Variants in KCNJ3 observed in about 807,000 individuals in gnomAD.
KCNJ3 encodes the protein potassium inwardly rectifying channel subfamily J member 3.
KCNJ3 carries 4 observed loss-of-function variants against 39.2 expected under a neutral mutation model. That is an observed-to-expected ratio of 0.10 (90% CI 0.05 to 0.23). The LOEUF is 0.23. Among genes scored for constraint, KCNJ3 ranks in the 10% least tolerant of loss-of-function variants. KCNJ3 has a pLI of 1.00. For synonymous variants in KCNJ3, 230 were observed against 237.4 expected (o/e 0.97, Z 0.29); for missense variants, 276 against 634.9 (o/e 0.43, Z 6.08).
chr2:154,753,642 T>C (rs1685886192), intron 2 of KCNJ3, among the ~76,000 whole-genome samples: 1 of 152,156 alleles, frequency 6.6e-6, no homozygotes, highest in Non-Finnish European at 1.5e-5. Context: ...TTTAAAAATG[T>C]GTATTTGACA....
intron 2 of KCNJ3, among the ~76,000 whole-genome samples, chr2:154,751,487 A>G (rs552845253): frequency 8.5e-5 from 13 of 152,158 alleles, no homozygotes. Context: ...GACACAGGAT[A>G]TGTCCTATAT....
At chr2:154,805,755 A>T (rs895546178) in intron 2 of KCNJ3, among the ~76,000 whole-genome samples, 5 of 152,184 alleles carry the variant, frequency 3.3e-5, no homozygotes, top group Non-Finnish European at 7.4e-5. Context: ...ACACAAAATT[A>T]AAAAGAATAA....
intron 2 of KCNJ3, among the ~76,000 whole-genome samples, chr2:154,833,887 T>C (rs1687405457): frequency 6.6e-6 from 1 of 152,150 alleles, no homozygotes; most frequent in Admixed American, 6.5e-5. Context: ...TTTTTATTAC[T>C]AAATAATAAT....
intron 2 of KCNJ3, among the ~76,000 whole-genome samples, chr2:154,811,771 A>T (rs1451472377): frequency 6.6e-6 from 1 of 152,178 alleles, no homozygotes. Flanking sequence ...CAGCCATCTT[A>T]GGGAAATGGG....
intron 2 of KCNJ3, among the ~76,000 whole-genome samples, chr2:154,818,849 T>G (rs1031717514): frequency 4.6e-5 from 7 of 151,794 alleles, no homozygotes; most frequent in Admixed American, 4.6e-4. Flanking sequence ...TTTGTCCATT[T>G]TGTTAGAATT....
rs1170092487 is a variant in KCNJ3, at chr2:154,853,144, GA to G, written c.920-1570del. ...CAGGACCATATTGAGGATTAGAATG[GA>G]AAAAAAAAAAAAGAGGGAAGAAGAG... is the stretch of plus-strand genomic sequence containing the variant. On this transcript the variant is annotated intron_variant, in intron 2 of 2. Coordinates refer to ENST00000295101, the MANE Select transcript of KCNJ3 (RefSeq NM_002239.4). 6.3e-3 allele frequency among the ~76,000 whole-genome samples: 827 copies of G among 131,326 alleles called. 3 individuals are homozygous for G. Among genetic ancestry groups the G allele is most frequent in the Middle Eastern group, 0.016 (4 of 250 alleles). 86.2% of individuals were successfully genotyped at this position (131,326 alleles called of 152,430 possible). A position where few individuals can be genotyped will look rare whatever the true frequency, so the allele number is the denominator to read the frequency against.
chr2:154,801,835 C>G (rs1686824578), intron 2 of KCNJ3, among the ~76,000 whole-genome samples: 1 of 152,036 alleles, frequency 6.6e-6, no homozygotes, highest in Non-Finnish European at 1.5e-5. Flanking sequence ...ACATATTGCC[C>G]AAGCTGGTCT....
At chr2:154,726,792 TACATAC>T (rs1685364940) in intron 2 of KCNJ3, among the ~76,000 whole-genome samples, 3 of 101,316 alleles carry the variant, frequency 3.0e-5, no homozygotes, top group Admixed American at 1.2e-4. Flanking sequence ...ACATTTTATA[TACATAC>T]ACACACACAC....
intron 2 of KCNJ3, among the ~76,000 whole-genome samples, chr2:154,735,274 CTTT>C (rs11315316): frequency 7.0e-6 from 1 of 143,236 alleles, no homozygotes; most frequent in African/African-American, 2.6e-5. Context: ...TTCTTTCTTT[CTTT>C]TTTTTTTTTT....
chr2:154,823,119 A>T (rs1687212366), intron 2 of KCNJ3, among the ~76,000 whole-genome samples: 3 of 152,216 alleles, frequency 2.0e-5, no homozygotes, highest in African/African-American at 4.8e-5. Flanking sequence ...TGTTTCTAAT[A>T]ATTTACATTG....
intron 2 of KCNJ3, among the ~76,000 whole-genome samples, chr2:154,745,935 T>C (rs550287968): frequency 9.2e-5 from 14 of 152,098 alleles, no homozygotes; most frequent in Admixed American, 4.6e-4. Flanking sequence ...AGGGGTTGAG[T>C]ACTGGCCTCC....
chr2:154,801,261 T>G (rs1233599220), intron 2 of KCNJ3, among the ~76,000 whole-genome samples: 1 of 152,210 alleles, frequency 6.6e-6, no homozygotes, highest in African/African-American at 2.4e-5. Flanking sequence ...GAGGTTAATA[T>G]CTAAAAACAT....
intron 2 of KCNJ3, 45 bp from the exon 3 acceptor site, chr2:154,854,682 C>T (rs1279755536): frequency 4.2e-6 from 6 of 1,441,986 alleles, no homozygotes; most frequent in Non-Finnish European, 5.7e-6. Flanking sequence ...TTTACATGTG[C>T]TTCCACTATG....
intron 2 of KCNJ3, among the ~76,000 whole-genome samples, chr2:154,824,803 C>T (rs935061980): frequency 6.6e-6 from 1 of 152,152 alleles, no homozygotes; most frequent in Non-Finnish European, 1.5e-5. Flanking sequence ...AGTTGTGTAA[C>T]TAGAAGATGG....
rs145694664 is a variant in KCNJ3, at chr2:154,730,042, C to T, written c.919+20223C>T. Reference sequence around the variant, plus strand: ...TTCCTAGTTGGGTTCATTGAGATGGCTGCTGCACATTTAGGAATCATTTCA... The same window carrying T: ...TTCCTAGTTGGGTTCATTGAGATGGTTGCTGCACATTTAGGAATCATTTCA... On this transcript the variant is annotated intron_variant, in intron 2 of 2. Coordinates refer to ENST00000295101, the MANE Select transcript of KCNJ3 (RefSeq NM_002239.4). Among the ~76,000 whole-genome samples the T allele has an allele frequency of 6.0e-4, 91 of 152,062 alleles. No homozygotes were observed. In the East Asian group the frequency reaches 0.018, roughly 30 times the overall value.
chr2:154,768,432 A>G (rs1314007969), intron 2 of KCNJ3, among the ~76,000 whole-genome samples: 1 of 152,314 alleles, frequency 6.6e-6, no homozygotes, highest in East Asian at 1.9e-4. Flanking sequence ...AGCACCATTT[A>G]TTAAATAGGG....
At chr2:154,793,816 C>T (rs1025205628) in intron 2 of KCNJ3, among the ~76,000 whole-genome samples, 1 of 151,902 alleles carries the variant, frequency 6.6e-6, no homozygotes. Flanking sequence ...TAAATAGTTG[C>T]TGGTTGAATG....
chr2:154,723,989 A>G (rs1405516472), intron 2 of KCNJ3, among the ~76,000 whole-genome samples: 1 of 152,158 alleles, frequency 6.6e-6, no homozygotes, highest in African/African-American at 2.4e-5. Context: ...ACCCAATTAT[A>G]CATTTGTATT....
At chr2:154,715,746 T>G (rs2105156093) in intron 2 of KCNJ3, among the ~76,000 whole-genome samples, 1 of 133,444 alleles carries the variant, frequency 7.5e-6, no homozygotes, top group Non-Finnish European at 1.7e-5. Flanking sequence ...TGTTAATCCC[T>G]TTCGTGTCAA....
Sources: allele counts gnomAD v4.1 joint callset (sites outside exome capture counted in the v4.1 genomes callset), GRCh38; gene constraint gnomAD v4.1.1; transcripts MANE v1.5; gene names NCBI Gene and HGNC (gene_info 2026-07-23, HGNC 2026-07-21).